Variants in RTN4 observed in about 807,000 individuals in gnomAD.
The protein encoded by RTN4 is reticulon 4.
RTN4 carries 32 observed loss-of-function variants against 90.4 expected under a neutral mutation model. The ratio of observed to expected loss-of-function variants is 0.35; its 90% confidence interval spans 0.27 to 0.48. The LOEUF (loss-of-function observed/expected upper bound fraction) is 0.48, where lower values mean the gene tolerates loss of function less well. Ranked by LOEUF, RTN4 falls within the 20% of genes least tolerant of loss-of-function variation. The pLI, the probability that RTN4 is intolerant of heterozygous loss-of-function variation, is 0.99. For synonymous variants in RTN4, 629 were observed against 552.5 expected, an observed-to-expected ratio of 1.14 and a Z score of -1.94; for missense variants, 1,706 against 1,430.2, an observed-to-expected ratio of 1.19 and a Z score of -3.11.
chr2:55,084,296 C>A (rs1220615320), intron 1 of RTN4, among the ~76,000 whole-genome samples: 2 of 145,908 alleles, frequency 1.4e-5, no homozygotes, highest in African/African-American at 4.9e-5. Flanking sequence ...AGTTGCATCC[C>A]CCCTGCCTTT....
chr2:55,016,105 T>C (rs567085195), intron 3 of RTN4, among the ~76,000 whole-genome samples: 49 of 152,240 alleles, frequency 3.2e-4, no homozygotes, highest in African/African-American at 1.1e-3. Flanking sequence ...GGTCCAACAA[T>C]AGCAAAGTGA....
At chr2:55,004,543 G>A (rs1680070810) in intron 3 of RTN4, among the ~76,000 whole-genome samples, 1 of 152,116 alleles carries the variant, frequency 6.6e-6, no homozygotes, top group Non-Finnish European at 1.5e-5. Flanking sequence ...TTCAGTTGCT[G>A]AATTGTTCCT....
intron 1 of RTN4, among the ~76,000 whole-genome samples, chr2:55,039,061 G>C (rs746878841): frequency 6.6e-6 from 1 of 152,158 alleles, no homozygotes; most frequent in African/African-American, 2.4e-5. Flanking sequence ...TATGATGAAA[G>C]AAATCAAAAC....
chr2:54,982,892 T>C (rs1678257936), intron 4 of RTN4, among the ~76,000 whole-genome samples: 1 of 152,206 alleles, frequency 6.6e-6, no homozygotes, highest in South Asian at 2.1e-4. Flanking sequence ...GGCTTGAATC[T>C]GATGCTCTGC....
chr2:54,973,404 T>C, intron 8 of RTN4, 159 bp downstream of exon 8: 1 of 760,788 alleles, frequency 1.3e-6, no homozygotes. Context: ...CAGAAACGAA[T>C]GGTCCAAATG....
At chr2:55,058,782 C>T (rs769106915) in intron 2 of RTN4, among the ~76,000 whole-genome samples, 13 of 152,204 alleles carry the variant, frequency 8.5e-5, no homozygotes, top group East Asian at 3.8e-4. Flanking sequence ...ATTTCAGTCA[C>T]GTGGCAGCTC....
chr2:54,983,334 A>G (rs571683420), intron 4 of RTN4, among the ~76,000 whole-genome samples: 46 of 151,506 alleles, frequency 3.0e-4, no homozygotes, highest in African/African-American at 1.1e-3. Flanking sequence ...TAAATAAATA[A>G]ATAAATAAAT....
the RTN4 span, among the ~76,000 whole-genome samples, chr2:55,125,983 C>T: frequency 6.6e-6 from 1 of 151,244 alleles, no homozygotes; most frequent in East Asian, 1.9e-4. Flanking sequence ...ATGGTGTGAA[C>T]CTGACAGGCA....
At chr2:55,070,268 C>A (rs1199786587) in intron 2 of RTN4, among the ~76,000 whole-genome samples, 1 of 151,948 alleles carries the variant, frequency 6.6e-6, no homozygotes, top group Non-Finnish European at 1.5e-5. Flanking sequence ...CCCACCCCCC[C>A]AAACAAAAGG....
chr2:55,097,301 C>CCA (rs1553452812), intron 1 of RTN4, among the ~76,000 whole-genome samples: 97 of 108,972 alleles, frequency 8.9e-4, no homozygotes, highest in Admixed American at 3.1e-3. Flanking sequence ...AATTCTGTCT[C>CCA]AAAAAAAAAA....
chr2:55,080,649 G>C (rs1344519832), intron 1 of RTN4: 1 of 152,056 alleles, frequency 6.6e-6, no homozygotes, highest in Non-Finnish European at 1.5e-5. Context: ...TCTATTGAAA[G>C]AAAAGGGTAG....
intron 1 of RTN4, among the ~76,000 whole-genome samples, chr2:55,084,429 C>T (rs1668799973): frequency 6.6e-6 from 1 of 151,808 alleles, no homozygotes; most frequent in African/African-American, 2.4e-5. Context: ...GTGTGAGCCA[C>T]CATGCCTGGC....
At chr2:55,085,926 T>C (rs1429830870) in intron 1 of RTN4, among the ~76,000 whole-genome samples, 1 of 152,246 alleles carries the variant, frequency 6.6e-6, no homozygotes, top group Non-Finnish European at 1.5e-5. Flanking sequence ...TCTTCACAAA[T>C]CATTATTGCA....
At chr2:55,051,454 T>C (rs1365019371), upstream of RTN4, among the ~76,000 whole-genome samples, 1 of 152,242 alleles carries the variant, frequency 6.6e-6, no homozygotes, top group Non-Finnish European at 1.5e-5. Context: ...GGAATAAGCA[T>C]GATCCCCATT....
At chr2:54,976,161 A>C (rs1677616324) in intron 5 of RTN4, among the ~76,000 whole-genome samples, 2 of 152,246 alleles carry the variant, frequency 1.3e-5, no homozygotes, top group East Asian at 3.8e-4. Flanking sequence ...TTACTCTAGC[A>C]ACGAAGATGC....
In RTN4 at chr2:54,983,065, GT is replaced by G. The variant is rs1219142225; in HGVS notation, c.3222-413del. ...GTAAATGGTAGTTATGACTATGGTT[GT>G]TTTTTTTTTTTTCTTAAAGTTGACA... On this transcript the variant is annotated intron_variant, in intron 4 of 8. Coordinates refer to ENST00000337526, the MANE Select transcript of RTN4 (RefSeq NM_020532.5). Among the ~76,000 whole-genome samples the G allele has an allele frequency of 7.8e-4, 112 of 142,698 alleles. 1 individual carries two copies. Among genetic ancestry groups the G allele is most frequent in the African/African-American group, 1.5e-3 (57 of 39,192 alleles). The allele number at this position is 142,698 out of a possible 152,430, so 93.6% of individuals were successfully genotyped here.
chr2:55,000,918 C>A (rs1319484850), intron 3 of RTN4, among the ~76,000 whole-genome samples: 3 of 151,942 alleles, frequency 2.0e-5, no homozygotes, highest in South Asian at 4.1e-4. Flanking sequence ...TAGGAATAAA[C>A]CATGTTTTGT....
Position 55,029,591 on chromosome 2 carries a change from A to G in RTN4, c.557-1371T>C, listed in dbSNP as rs76725160. Among the ~76,000 whole-genome samples the G allele has an allele frequency of 2.0e-4, 31 of 152,342 alleles. No individual in the cohort carries two copies. In the East Asian group the frequency reaches 5.8e-3, roughly 28 times the overall value. On this transcript the variant is annotated intron_variant, in intron 1 of 8. Coordinates refer to ENST00000337526, the MANE Select transcript of RTN4 (RefSeq NM_020532.5). ...GATAAAAATCCAAGAAATGTAGCTA[A>G]CATGAATACGGACTTGTCTTCCAAG...
chr2:55,038,071 T>G (rs1039953569), intron 1 of RTN4, among the ~76,000 whole-genome samples: 1 of 152,164 alleles, frequency 6.6e-6, no homozygotes, highest in African/African-American at 2.4e-5. Flanking sequence ...AAACTGCTTA[T>G]TATATGTATG....
Sources: allele counts gnomAD v4.1 joint callset (sites outside exome capture counted in the v4.1 genomes callset), GRCh38; gene constraint gnomAD v4.1.1; transcripts MANE v1.5; gene names NCBI Gene and HGNC (gene_info 2026-07-23, HGNC 2026-07-21).